The following GRID2 variants were observed in gnomAD, a reference collection of about 807,000 sequenced individuals.
GRID2 encodes glutamate ionotropic receptor delta type subunit 2.
Under a neutral mutation model 114.8 loss-of-function variants are expected in GRID2, and 33 were observed. The ratio of observed to expected loss-of-function variants is 0.29; its 90% CI spans 0.22 to 0.38. The LOEUF is 0.38. GRID2 is among the 10% of genes least tolerant of loss of function. GRID2 has a pLI of 1.00. For missense variants in GRID2, 1,184 were observed against 1,257.7 expected, an observed-to-expected ratio of 0.94 and a Z score of 0.89; for synonymous variants, 505 against 449.9, an observed-to-expected ratio of 1.12 and a Z score of -1.55.
chr4:93,651,416 A>G (rs1021733168), intron 14 of GRID2, among the ~76,000 whole-genome samples: 1 of 152,194 alleles, frequency 6.6e-6, no homozygotes, highest in African/African-American at 2.4e-5. Context: ...TATACTGTAC[A>G]CAGCTGATAG....
chr4:93,701,045 T>C (rs1165502290), intron 14 of GRID2, among the ~76,000 whole-genome samples: 1 of 152,154 alleles, frequency 6.6e-6, no homozygotes, highest in Non-Finnish European at 1.5e-5. Flanking sequence ...CAAAGAGTTA[T>C]AGTTTTTGAC....
At chr4:92,739,577 C>G (rs915890421) in intron 2 of GRID2, among the ~76,000 whole-genome samples, 2 of 152,036 alleles carry the variant, frequency 1.3e-5, no homozygotes, top group Non-Finnish European at 2.9e-5. Context: ...CCTGTGATTT[C>G]AGTGAAGTGT....
rs565134838 is a variant in GRID2 at position 93,625,870 on chromosome 4, G to A, written c.2194-399G>A. ...GTGGAGCTTGCAGTGAGCGGAGATC[G>A]CGCCACTGCACTCCAGCCTGGGCGA... On this transcript the variant is annotated intron_variant, in intron 13 of 15. Transcript: ENST00000282020. 2.0e-4 allele frequency among the ~76,000 whole-genome samples: 30 copies of A among 152,220 alleles called. No homozygotes were observed. In the East Asian group the frequency reaches 5.6e-3, roughly 28 times the overall value.
At chr4:92,862,223 C>T (rs1314703396) in intron 2 of GRID2, among the ~76,000 whole-genome samples, 1 of 151,974 alleles carries the variant, frequency 6.6e-6, no homozygotes, top group Non-Finnish European at 1.5e-5. Context: ...GTAATTTTCA[C>T]TCTAATTTCA....
intron 14 of GRID2, among the ~76,000 whole-genome samples, chr4:93,741,841 T>C (rs892216708): frequency 6.6e-6 from 1 of 151,756 alleles, no homozygotes; most frequent in Non-Finnish European, 1.5e-5. Flanking sequence ...GTAGAATCAC[T>C]TGAACCCAGG....
At chr4:93,081,703 C>T (rs1729884228) in intron 2 of GRID2, among the ~76,000 whole-genome samples, 1 of 152,044 alleles carries the variant, frequency 6.6e-6, no homozygotes, top group Admixed American at 6.6e-5. Context: ...TAATAAAGAA[C>T]TATGCCATTG....
At chr4:92,795,476 T>C (rs1739818222) in intron 2 of GRID2, among the ~76,000 whole-genome samples, 1 of 151,948 alleles carries the variant, frequency 6.6e-6, no homozygotes, top group Non-Finnish European at 1.5e-5. Flanking sequence ...TTCTTCCCAG[T>C]CTCACGTATG....
chr4:93,310,530 A>C (rs1006144920), intron 8 of GRID2, among the ~76,000 whole-genome samples: 2 of 152,018 alleles, frequency 1.3e-5, no homozygotes, highest in African/African-American at 4.8e-5. Context: ...ACTCCATCTC[A>C]AAAATAAAAT....
intron 9 of GRID2, among the ~76,000 whole-genome samples, chr4:93,397,103 C>T (rs1765403812): frequency 6.6e-6 from 1 of 151,946 alleles, no homozygotes; most frequent in South Asian, 2.1e-4. Flanking sequence ...ACATTGTTTA[C>T]TACAAATTAA....
intron 7 of GRID2, among the ~76,000 whole-genome samples, chr4:93,229,972 G>A (rs954698188): frequency 1.3e-5 from 2 of 152,064 alleles, no homozygotes; most frequent in African/African-American, 4.8e-5. Flanking sequence ...TTACGTGGAT[G>A]TTGTATGATA....
At chr4:93,068,405 T>A (rs1728501928) in intron 2 of GRID2, among the ~76,000 whole-genome samples, 1 of 152,012 alleles carries the variant, frequency 6.6e-6, no homozygotes, top group Admixed American at 6.6e-5. Flanking sequence ...TGAAATGAAA[T>A]TTTCAGAATT....
chr4:93,261,063 AT>A (rs1348735989), intron 8 of GRID2, among the ~76,000 whole-genome samples: 1 of 151,804 alleles, frequency 6.6e-6, no homozygotes, highest in Non-Finnish European at 1.5e-5. Flanking sequence ...TGAGGGTTAG[AT>A]GTGCATGATA....
intron 3 of GRID2, among the ~76,000 whole-genome samples, chr4:93,094,662 G>A (rs1731052322): frequency 6.6e-6 from 1 of 151,958 alleles, no homozygotes. Flanking sequence ...ATTGGGGGAA[G>A]GAATCCTAAA....
chr4:93,449,388 G>A (rs959831017), intron 10 of GRID2, among the ~76,000 whole-genome samples: 1 of 152,022 alleles, frequency 6.6e-6, no homozygotes, highest in Admixed American at 6.6e-5. Context: ...GTGATATTTA[G>A]TTTGGAATTG....
intron 8 of GRID2, among the ~76,000 whole-genome samples, chr4:93,257,757 A>T (rs1304496392): frequency 1.3e-5 from 2 of 151,366 alleles, no homozygotes; most frequent in South Asian, 4.1e-4. Flanking sequence ...ACTTTTTGAA[A>T]GATAGCATGA....
intron 2 of GRID2, among the ~76,000 whole-genome samples, chr4:92,748,797 G>A (rs1259731589): frequency 6.6e-6 from 1 of 150,956 alleles, no homozygotes; most frequent in Admixed American, 6.6e-5. Flanking sequence ...GAGTAGCTGG[G>A]ATTACAGGCA....
intron 2 of GRID2, among the ~76,000 whole-genome samples, chr4:92,929,185 C>CT (rs987817029): frequency 4.7e-5 from 7 of 150,194 alleles, no homozygotes; most frequent in East Asian, 2.0e-4. Context: ...AAAAGAACAT[C>CT]TTTTTTTTTA....
In GRID2 at chr4:93,106,252, G is replaced by C. The variant is rs144307471; in HGVS notation, c.530-4496G>C. Among the ~76,000 whole-genome samples, 691 of 152,262 alleles carry C rather than the reference G, an allele frequency of 4.5e-3. 9 individuals are homozygous for C. The highest frequency in any genetic ancestry group is 0.016 in the African/African-American group (656 of 41,546). Reference sequence around the variant, plus strand: ...GAAACACAGATAACTCATCTCATTGGCTGCCAGCTAATCAGCATACAGATA... The same window carrying C: ...GAAACACAGATAACTCATCTCATTGCCTGCCAGCTAATCAGCATACAGATA... On this transcript the variant is annotated intron_variant, in intron 3 of 15. Coordinates refer to ENST00000282020, the MANE Select transcript of GRID2 (RefSeq NM_001510.4).
At chr4:92,482,223 C>T (rs1226377524) in intron 1 of GRID2, among the ~76,000 whole-genome samples, 1 of 151,104 alleles carries the variant, frequency 6.6e-6, no homozygotes, top group Admixed American at 6.6e-5. Context: ...GAATAGAAAA[C>T]CAAATATTGC....
Sources: gnomAD v4.1 joint callset for allele counts (sites outside exome capture counted in the v4.1 genomes callset) on GRCh38, gnomAD v4.1.1 for gene constraint, MANE v1.5 for transcripts, NCBI Gene and HGNC (gene_info 2026-07-23, HGNC 2026-07-21) for gene names.